The following CSRNP3 variants were observed in gnomAD, a reference collection of about 807,000 sequenced individuals.
The protein encoded by CSRNP3 is cysteine and serine rich nuclear protein 3, also known as cysteine/serine-rich nuclear protein 3.
Under a neutral mutation model 48.0 loss-of-function variants are expected in CSRNP3, and 12 were observed. The ratio of observed to expected loss-of-function variants is 0.25; its 90% CI spans 0.16 to 0.41. The LOEUF is 0.41. CSRNP3 is among the 10% of genes least tolerant of loss of function. CSRNP3 has a pLI of 1.00. For missense variants in CSRNP3, 580 were observed against 724.4 expected, an observed-to-expected ratio of 0.80 and a Z score of 2.29; for synonymous variants, 263 against 269.7, an observed-to-expected ratio of 0.98 and a Z score of 0.24.
intron 4 of CSRNP3, among the ~76,000 whole-genome samples, chr2:165,625,897 C>A (rs536316787): frequency 7.1e-6 from 1 of 141,826 alleles, no homozygotes; most frequent in African/African-American, 2.6e-5. Context: ...CACCACTGCA[C>A]TCCAAAACTC....
intron 5 of CSRNP3, among the ~76,000 whole-genome samples, chr2:165,661,567 C>CT (rs1687096969): frequency 6.6e-6 from 1 of 152,134 alleles, no homozygotes; most frequent in African/African-American, 2.4e-5. Flanking sequence ...ATGTATATTG[C>CT]TTTTGCACCA....
chr2:165,601,460 T>A (rs548682670), intron 4 of CSRNP3, among the ~76,000 whole-genome samples: 3 of 152,322 alleles, frequency 2.0e-5, no homozygotes, highest in Non-Finnish European at 4.4e-5. Context: ...GCAGTGGATG[T>A]CCTACAATAG....
intron 3 of CSRNP3, among the ~76,000 whole-genome samples, chr2:165,530,394 C>T (rs1221658175): frequency 6.6e-6 from 1 of 151,944 alleles, no homozygotes; most frequent in Non-Finnish European, 1.5e-5. Context: ...AATTGTAACT[C>T]CTGTTATTTA....
chr2:165,597,353 A>C (rs7593038), intron 4 of CSRNP3, among the ~76,000 whole-genome samples: 2 of 151,950 alleles, frequency 1.3e-5, no homozygotes, highest in African/African-American at 4.8e-5. Context: ...AATTTTATAT[A>C]TAAGAAGAAA....
chr2:165,525,483 T>C (rs537859085), intron 3 of CSRNP3, among the ~76,000 whole-genome samples: 1 of 150,632 alleles, frequency 6.6e-6, no homozygotes, highest in South Asian at 2.1e-4. Context: ...TTTTTTCTTC[T>C]TCTTCTTTTT....
rs2105367135 is a variant in CSRNP3 at position 165,679,986 on chromosome 2, T to A, written c.*233T>A. 2 of 556,390 alleles carry A rather than the reference T, an allele frequency of 3.6e-6. No homozygotes were observed. Among genetic ancestry groups the A allele is most frequent in the African/African-American group, 3.8e-5 (2 of 53,036 alleles). 34.5% of individuals were successfully genotyped at this position (556,390 alleles called of 1,614,324 possible). A position where few individuals can be genotyped will look rare whatever the true frequency, so the allele number is the denominator to read the frequency against. Reference sequence around the variant, plus strand: ...GACTGTTTTGATAGAAAAAGCTAAATTTTAAAATGCATATCTCACAGTTGC... The same window carrying A: ...GACTGTTTTGATAGAAAAAGCTAAAATTTAAAATGCATATCTCACAGTTGC... On this transcript the variant is annotated 3_prime_UTR_variant, in exon 7 of 7. Transcript: ENST00000651982.
chr2:165,495,420 A>T (rs2105461147), intron 2 of CSRNP3, among the ~76,000 whole-genome samples: 1 of 152,168 alleles, frequency 6.6e-6, no homozygotes, highest in East Asian at 1.9e-4. Flanking sequence ...ACTCAGACTC[A>T]AGGCCAAGTT....
intron 3 of CSRNP3, among the ~76,000 whole-genome samples, chr2:165,519,594 C>T (rs2105233549): frequency 6.6e-6 from 1 of 152,234 alleles, no homozygotes; most frequent in East Asian, 1.9e-4. Flanking sequence ...TCCCTTGCCT[C>T]ATTGTGCCAT....
intron 1 of CSRNP3, among the ~76,000 whole-genome samples, chr2:165,476,779 G>A (rs549413875): frequency 9.8e-5 from 15 of 152,314 alleles, no homozygotes; most frequent in Admixed American, 4.6e-4. Context: ...GTAAAATTCA[G>A]TTATCTACCT....
At chr2:165,524,892 T>A (rs1684712899) in intron 3 of CSRNP3, among the ~76,000 whole-genome samples, 1 of 152,228 alleles carries the variant, frequency 6.6e-6, no homozygotes, top group African/African-American at 2.4e-5. Flanking sequence ...GCTATAAATA[T>A]CCACGTAGAA....
At chr2:165,626,654 G>A (rs1009404472) in intron 4 of CSRNP3, among the ~76,000 whole-genome samples, 1 of 152,180 alleles carries the variant, frequency 6.6e-6, no homozygotes, top group Non-Finnish European at 1.5e-5. Flanking sequence ...ACTGCCTGTT[G>A]CTGCTACCTC....
At chr2:165,639,600 C>G (rs535437569) in intron 4 of CSRNP3, among the ~76,000 whole-genome samples, 2 of 152,194 alleles carry the variant, frequency 1.3e-5, no homozygotes, top group South Asian at 4.2e-4. Flanking sequence ...ACAGGAGTTG[C>G]CATACCCAAC....
At position 165,494,084 on chromosome 2, in the gene CSRNP3, A is replaced by T. The variant is rs528358515; in HGVS notation, c.-282-675A>T. On this transcript the variant is annotated intron_variant, in intron 1 of 6. Coordinates refer to ENST00000651982, the MANE Select transcript of CSRNP3 (RefSeq NM_001172173.2). ...CCATGTTAATACAGAGAGTGAAGAG[A>T]TTTAAATTAATATTTTATTCAACAA... Among the ~76,000 whole-genome samples, 16 of 152,232 alleles carry T rather than the reference A, an allele frequency of 1.1e-4. No individual in the cohort carries two copies. In the South Asian group the frequency reaches 3.3e-3, roughly 32 times the overall value.
At chr2:165,541,697 C>G (rs1238389663) in intron 3 of CSRNP3, among the ~76,000 whole-genome samples, 1 of 152,046 alleles carries the variant, frequency 6.6e-6, no homozygotes, top group African/African-American at 2.4e-5. Flanking sequence ...CCACTGTAGA[C>G]CTCACACCCA....
chr2:165,587,331 A>G (rs1685648753), intron 3 of CSRNP3, among the ~76,000 whole-genome samples: 1 of 152,236 alleles, frequency 6.6e-6, no homozygotes, highest in Non-Finnish European at 1.5e-5. Context: ...GATTATACTG[A>G]TAAATGCACA....
chr2:165,569,290 A>G (rs1178802898), intron 3 of CSRNP3, among the ~76,000 whole-genome samples: 1 of 152,120 alleles, frequency 6.6e-6, no homozygotes, highest in Admixed American at 6.6e-5. Flanking sequence ...TGGTATACAT[A>G]CCAGTTAATA....
At chr2:165,476,767 CTGTAAAA>C (rs1468499569) in intron 1 of CSRNP3, among the ~76,000 whole-genome samples, 1 of 152,190 alleles carries the variant, frequency 6.6e-6, no homozygotes, top group Non-Finnish European at 1.5e-5. Flanking sequence ...GTTTTCTTAT[CTGTAAAA>C]TTCAGTTATC....
intron 4 of CSRNP3, among the ~76,000 whole-genome samples, chr2:165,611,363 A>ATG (rs1553479605): frequency 0.032 from 3,389 of 104,714 alleles, 46 homozygotes; most frequent in Middle Eastern, 0.056. Flanking sequence ...TTCACGATAT[A>ATG]TGTGTGTGTG....
chr2:165,587,783 G>A (rs1685655843), intron 3 of CSRNP3, among the ~76,000 whole-genome samples: 1 of 152,148 alleles, frequency 6.6e-6, no homozygotes, highest in Non-Finnish European at 1.5e-5. Flanking sequence ...ATTGTATGAT[G>A]CTTTGGGCTC....
Sources: gnomAD v4.1 joint callset for allele counts (sites outside exome capture counted in the v4.1 genomes callset) on GRCh38, gnomAD v4.1.1 for gene constraint, MANE v1.5 for transcripts, NCBI Gene and HGNC (gene_info 2026-07-23, HGNC 2026-07-21) for gene names.